The following FRMPD4 variants were observed in gnomAD, a reference collection of about 807,000 sequenced individuals.
FRMPD4 encodes FERM and PDZ domain-containing protein 4.
FRMPD4 carries 22 observed loss-of-function variants against 94.1 expected under a neutral mutation model. The observed-to-expected ratio is 0.23, with a 90% confidence interval of 0.17 to 0.33. The LOEUF (loss-of-function observed/expected upper bound fraction) is 0.33. FRMPD4 is among the 10% of genes least tolerant of loss of function. FRMPD4 has a pLI of 1.00. For missense variants in FRMPD4, 1,111 were observed against 1,339.9 expected, an observed-to-expected ratio of 0.83 and a Z score of 2.67; for synonymous variants, 631 against 548.6, an observed-to-expected ratio of 1.15 and a Z score of -2.10.
At chrX:11,906,440 C>A (rs2053968537) in intron 3 of FRMPD4, among the ~76,000 whole-genome samples, 1 of 111,435 alleles carries the variant, frequency 9.0e-6, no homozygotes, top group Non-Finnish European at 1.9e-5. Context: ...AGCCACCGCA[C>A]CCGGCCCAAT....
intron 1 of FRMPD4, among the ~76,000 whole-genome samples, chrX:11,829,279 A>G (rs955557489): frequency 1.8e-5 from 2 of 112,222 alleles, no homozygotes; most frequent in Admixed American, 9.5e-5. Context: ...GCTTTCAACT[A>G]TCATAGTATA....
At chrX:11,843,328 TTTTC>T (rs1203867838) in intron 1 of FRMPD4, among the ~76,000 whole-genome samples, 2 of 111,541 alleles carry the variant, frequency 1.8e-5, no homozygotes, top group African/African-American at 6.5e-5. Context: ...AATGCTATTT[TTTTC>T]TTTAATGTAG....
At chrX:12,182,401 T>G (rs1286564939) in intron 1 of FRMPD4, among the ~76,000 whole-genome samples, 3 of 110,763 alleles carry the variant, frequency 2.7e-5, no homozygotes, top group Non-Finnish European at 5.7e-5. Flanking sequence ...ATTCTTAACA[T>G]GAGCACGTTT....
At chrX:11,916,390 A>G (rs917186807) in intron 3 of FRMPD4, among the ~76,000 whole-genome samples, 5 of 111,258 alleles carry the variant, frequency 4.5e-5, no homozygotes, top group African/African-American at 1.3e-4. Flanking sequence ...CTATGGTGAC[A>G]TTGTGGAAGA....
chrX:12,347,307 A>T (rs1300414181), intron 1 of FRMPD4, among the ~76,000 whole-genome samples: 3 of 110,911 alleles, frequency 2.7e-5, no homozygotes, highest in Non-Finnish European at 5.7e-5. Flanking sequence ...GCGTGACCAT[A>T]GCTCACTGCA....
chrX:12,138,835 C>A lies in FRMPD4; in HGVS notation c.-137C>A. On this transcript the variant is annotated 5_prime_UTR_variant, in exon 1 of 17. Coordinates refer to ENST00000675598, the MANE Select transcript of FRMPD4 (RefSeq NM_001368397.1). ...CCTCCAGGTGCAGGTTCTCTCCGGCCGCCGCCGCCACCCGCTGTCGCCGCG... is the reference window on the plus strand; with the variant it reads ...CCTCCAGGTGCAGGTTCTCTCCGGCAGCCGCCGCCACCCGCTGTCGCCGCG... 2.1e-6 allele frequency: 1 copy of A among 465,368 alleles called. No homozygotes were observed. The highest frequency in any genetic ancestry group is 3.3e-6 in the Non-Finnish European group (1 of 299,886). 38.4% of individuals were successfully genotyped at this position (465,368 alleles called of 1,213,427 possible).
At chrX:11,843,723 T>C (rs2147281838) in intron 1 of FRMPD4, among the ~76,000 whole-genome samples, 1 of 108,529 alleles carries the variant, frequency 9.2e-6, no homozygotes, top group East Asian at 3.0e-4. Context: ...ACATCCAACT[T>C]ATTTTTTATT....
intron 1 of FRMPD4, among the ~76,000 whole-genome samples, chrX:12,263,270 C>T (rs2054220397): frequency 9.0e-6 from 1 of 111,511 alleles, no homozygotes; most frequent in African/African-American, 3.3e-5. Context: ...TCCCAGGAAA[C>T]TCCTTAGTCC....
At chrX:11,926,402 A>T (rs1414889990) in intron 3 of FRMPD4, among the ~76,000 whole-genome samples, 1 of 111,009 alleles carries the variant, frequency 9.0e-6, no homozygotes, top group African/African-American at 3.3e-5. Flanking sequence ...CTAATTCATT[A>T]TATGAGGCCA....
intron 3 of FRMPD4, among the ~76,000 whole-genome samples, chrX:12,056,152 A>C (rs1054877987): frequency 1.8e-5 from 2 of 112,236 alleles, no homozygotes; most frequent in Non-Finnish European, 3.8e-5. Context: ...GCTAAGGGGA[A>C]AGTTCCCATT....
chrX:12,398,566 A>T (rs2056572380), intron 1 of FRMPD4, among the ~76,000 whole-genome samples: 1 of 111,659 alleles, frequency 9.0e-6, no homozygotes, highest in African/African-American at 3.3e-5. Context: ...CTGGAATTAG[A>T]GAAGTGCTAA....
intron 2 of FRMPD4, among the ~76,000 whole-genome samples, chrX:12,531,881 C>T (rs1047264586): frequency 3.6e-5 from 4 of 111,592 alleles, no homozygotes; most frequent in Non-Finnish European, 7.5e-5. Flanking sequence ...ACCTTCTTAC[C>T]ACTCCCTCCT....
At chrX:12,684,846 C>A in intron 6 of FRMPD4, among the ~76,000 whole-genome samples, 1 of 112,424 alleles carries the variant, frequency 8.9e-6, no homozygotes, top group South Asian at 3.7e-4. Context: ...AGGACTCCTG[C>A]AAGGCAGCTG....
At chrX:11,955,634 C>T (rs943776621) in intron 3 of FRMPD4, among the ~76,000 whole-genome samples, 3 of 107,924 alleles carry the variant, frequency 2.8e-5, no homozygotes, top group Non-Finnish European at 3.8e-5. Context: ...CCCAGCTACT[C>T]GGGAGGCTGA....
intron 1 of FRMPD4, among the ~76,000 whole-genome samples, chrX:12,203,969 G>A (rs777638614): frequency 8.0e-5 from 9 of 112,495 alleles, no homozygotes; most frequent in African/African-American, 1.6e-4. Flanking sequence ...TTCTTTGTAT[G>A]TGCAAAGATA....
intron 2 of FRMPD4, among the ~76,000 whole-genome samples, chrX:12,561,877 C>T (rs1046545770): frequency 7.1e-5 from 8 of 112,308 alleles, no homozygotes; most frequent in Non-Finnish European, 1.9e-5. Flanking sequence ...ATAGCTCTCA[C>T]TGACTCTATG....
At chrX:12,488,711 T>C (rs1366922287) in intron 1 of FRMPD4, among the ~76,000 whole-genome samples, 2 of 111,523 alleles carry the variant, frequency 1.8e-5, no homozygotes, top group Non-Finnish European at 3.8e-5. Context: ...CAGAGTCTCT[T>C]CCAGTCCTGT....
chrX:12,276,215 A>C (rs1473577909), intron 1 of FRMPD4, among the ~76,000 whole-genome samples: 1 of 112,740 alleles, frequency 8.9e-6, no homozygotes, highest in Non-Finnish European at 1.9e-5. Context: ...GCTGTCCATG[A>C]AAAGAGTCAA....
At chrX:12,572,868 C>A (rs781717411) in intron 2 of FRMPD4, among the ~76,000 whole-genome samples, 6 of 111,901 alleles carry the variant, frequency 5.4e-5, no homozygotes, top group African/African-American at 1.9e-4. Flanking sequence ...GGCATCAAGT[C>A]ATGGGCAGGT....
Sources: allele counts gnomAD v4.1 joint callset (sites outside exome capture counted in the v4.1 genomes callset), GRCh38; gene constraint gnomAD v4.1.1; transcripts MANE v1.5; gene names NCBI Gene and HGNC (gene_info 2026-07-23, HGNC 2026-07-21).